GALNT15: variants seen among roughly 807,000 people sequenced by gnomAD.
The protein encoded by GALNT15 is UDP-GalNAc transferase T15.
Under a neutral mutation model 66.8 loss-of-function variants are expected in GALNT15, and 67 were observed. That is an observed-to-expected ratio of 1.00 (90% CI 0.82 to 1.23). The LOEUF is 1.23. Among genes scored for constraint, GALNT15 ranks in the 50% most tolerant of loss-of-function variants. The pLI, the probability that GALNT15 is intolerant of heterozygous loss-of-function variation, is 0.00. For missense variants in GALNT15, 827 were observed against 804.3 expected, an observed-to-expected ratio of 1.03 and a Z score of -0.34; for synonymous variants, 313 against 311.5, an observed-to-expected ratio of 1.00 and a Z score of -0.05.
chr3:16,196,589 T>C (rs2063640813), intron 2 of GALNT15, among the ~76,000 whole-genome samples: 2 of 152,212 alleles, frequency 1.3e-5, no homozygotes, highest in Admixed American at 1.3e-4. Context: ...GCTCTCACGC[T>C]TGAGCATGCA....
intron 1 of GALNT15, among the ~76,000 whole-genome samples, chr3:16,190,513 C>A (rs1042857458): frequency 6.6e-5 from 10 of 152,162 alleles, no homozygotes; most frequent in Admixed American, 2.0e-4. Context: ...TGGCGGGCGC[C>A]TGTAGTCCCA....
intron 1 of GALNT15, among the ~76,000 whole-genome samples, chr3:16,177,617 G>T (rs931343437): frequency 6.6e-6 from 1 of 152,214 alleles, no homozygotes; most frequent in African/African-American, 2.4e-5. Flanking sequence ...GTGTGCATGT[G>T]TGTTAATGTG....
chr3:16,240,935 C>G, the GALNT15 span, among the ~76,000 whole-genome samples: 17,651 of 152,230 alleles, frequency 0.12, 1,091 homozygotes, highest in East Asian at 0.17. Flanking sequence ...TTTTGTAGTT[C>G]CCAATACAAC....
At position 16,195,632 on chromosome 3, in the gene GALNT15, A is replaced by T; in HGVS notation, c.540-128A>T. On this transcript the variant is annotated intron_variant, in intron 1 of 9. Coordinates refer to ENST00000339732, the MANE Select transcript of GALNT15 (RefSeq NM_054110.5). The surrounding 1 kb of genome is among the most constrained non-coding windows in gnomAD (Gnocchi z 4.6). Reference sequence around the variant, plus strand: ...CAGGTTCTTTTTATATGGGAATTTTAAGAGATCCCATAGGACAGCCATATA... The same window carrying T: ...CAGGTTCTTTTTATATGGGAATTTTTAGAGATCCCATAGGACAGCCATATA... 1.5e-6 allele frequency: 1 copy of T among 677,878 alleles called. No homozygotes were observed. The highest frequency in any genetic ancestry group is 3.1e-5 in the South Asian group (1 of 32,386). The allele number at this position is 677,878 out of a possible 1,614,324, so 42.0% of individuals were successfully genotyped here.
In GALNT15 at chr3:16,228,258, A is replaced by T. The variant is rs895891898; in HGVS notation, c.*758A>T. ...CTTGGTTAACCATAACCATAACCAG[A>T]TTCCCTTGCAATCGATTTCTCTTTA... On this transcript the variant is annotated 3_prime_UTR_variant, in exon 10 of 10. Transcript: ENST00000339732. The T allele has an allele frequency of 2.0e-6, 2 of 985,686 alleles. No homozygotes were observed. The highest frequency in any genetic ancestry group is 3.5e-5 in the African/African-American group (2 of 57,220). 61.1% of individuals were successfully genotyped at this position (985,686 alleles called of 1,614,324 possible).
chr3:16,229,189 A>G lies in GALNT15; in HGVS notation c.*1689A>G, dbSNP rs1310544728. The G allele has an allele frequency of 1.0e-6, 1 of 985,196 alleles. No homozygotes were observed. Among genetic ancestry groups the G allele is most frequent in the Non-Finnish European group, 1.2e-6 (1 of 829,872 alleles). 61.0% of individuals were successfully genotyped at this position (985,196 alleles called of 1,614,324 possible). On this transcript the variant is annotated 3_prime_UTR_variant, in exon 10 of 10. Transcript: ENST00000339732. ...AGTGCAGTGTTTCCAAACAATACCT[A>G]TCATAACTACGTATTCATTGTCTAC...
Position 16,228,530 on chromosome 3 carries a change from A to T in GALNT15, c.*1030A>T. The stretch of plus-strand genomic sequence containing the variant: ...GTGGCGCATACCTGTAATCCCAGCT[A>T]CTTGGGAGGCTGAGGCAAGAGAATC... On this transcript the variant is annotated 3_prime_UTR_variant, in exon 10 of 10. Coordinates refer to ENST00000339732, the MANE Select transcript of GALNT15 (RefSeq NM_054110.5). 1 of 608,752 alleles carries T rather than the reference A, an allele frequency of 1.6e-6. No individual in the cohort carries two copies. Among genetic ancestry groups the T allele is most frequent in the Non-Finnish European group, 2.1e-6 (1 of 486,472 alleles). The allele number at this position is 608,752 out of a possible 1,614,324, so 37.7% of individuals were successfully genotyped here.
At chr3:16,222,940 G>A (rs2063962505) in intron 9 of GALNT15, among the ~76,000 whole-genome samples, 182 bp downstream of exon 9, 1 of 152,170 alleles carries the variant, frequency 6.6e-6, no homozygotes, top group African/African-American at 2.4e-5. Flanking sequence ...AGCAAAGTTG[G>A]CCCACTGGCA....
At chr3:16,236,016 A>G (rs1367682605), downstream of GALNT15, among the ~76,000 whole-genome samples, 1 of 149,336 alleles carries the variant, frequency 6.7e-6, no homozygotes, top group Non-Finnish European at 1.5e-5. Context: ...GAGGCAGGAG[A>G]ATCACTTGAA....
At chr3:16,221,516 C>T (rs2063942543) in intron 8 of GALNT15, among the ~76,000 whole-genome samples, 3 of 152,154 alleles carry the variant, frequency 2.0e-5, no homozygotes, top group African/African-American at 4.8e-5. Context: ...TTACTATGAG[C>T]CCCGGGAATC....
chr3:16,212,371 C>G (rs1034532473), intron 5 of GALNT15, among the ~76,000 whole-genome samples, 198 bp from the exon 6 acceptor site: 1 of 152,116 alleles, frequency 6.6e-6, no homozygotes, highest in African/African-American at 2.4e-5. Flanking sequence ...TACCTCTATT[C>G]TCTCCACCCT....
rs73818317 is a variant in GALNT15, at chr3:16,195,951, C to T, written c.706+25C>T. ...GGTAGCCACGGCTTTCCTCCAGGCTCGTCTGGGTGAGCCTTACCCCCTGGC... is the reference window on the plus strand; with the variant it reads ...GGTAGCCACGGCTTTCCTCCAGGCTTGTCTGGGTGAGCCTTACCCCCTGGC... On this transcript the variant is annotated intron_variant, in intron 2 of 9. Coordinates refer to ENST00000339732, the MANE Select transcript of GALNT15 (RefSeq NM_054110.5). The surrounding 1 kb of genome is among the most constrained non-coding windows in gnomAD (Gnocchi z 4.6). 3.7e-3 allele frequency: 5,958 copies of T among 1,612,410 alleles called. 178 individuals are homozygous for T. In the African/African-American group the frequency reaches 0.066, roughly 18 times the overall value.
Position 16,219,367 on chromosome 3 carries a change from C to A in GALNT15, c.1393-36C>A, listed in dbSNP as rs1359223458. 6.2e-7 allele frequency: 1 copy of A among 1,609,818 alleles called. No individual in the cohort carries two copies. Among genetic ancestry groups the A allele is most frequent in the Non-Finnish European group, 8.5e-7 (1 of 1,177,798 alleles). On this transcript the variant is annotated intron_variant, in intron 6 of 9. Transcript: ENST00000339732. This position sits in a 1 kb window ranked among gnomAD's most constrained non-coding sequence, Gnocchi z 4.3. The stretch of plus-strand genomic sequence containing the variant: ...CCATGTGAATTCTGGGCAAGACAAG[C>A]TTTCATCATCCTGCTTGTGTCTTTC...
chr3:16,246,573 C>T, the GALNT15 span, among the ~76,000 whole-genome samples: 2 of 152,070 alleles, frequency 1.3e-5, no homozygotes, highest in South Asian at 2.1e-4. Flanking sequence ...CTGCCCTCCT[C>T]GACCTCCCAA....
rs1164976010 is a variant in GALNT15, at chr3:16,203,543, T to TCA, written c.911+2765_911+2766dup. On this transcript the variant is annotated intron_variant, in intron 3 of 9. Transcript: ENST00000339732. The surrounding 1 kb of genome is among the most constrained non-coding windows in gnomAD (Gnocchi z 6.2). Reference sequence around the variant, plus strand: ...CATTCTCTCTCTCTCTCTCTCTCTCTCACACACACACACACACACACACAC... The same window carrying TCA: ...CATTCTCTCTCTCTCTCTCTCTCTCTCACACACACACACACACACACACACAC... Among the ~76,000 whole-genome samples, 7,840 of 60,688 alleles carry TCA rather than the reference T, an allele frequency of 0.13. 406 individuals carry two copies. The highest frequency in any genetic ancestry group is 0.2 in the Non-Finnish European group (5,479 of 27,904). The allele number at this position is 60,688 out of a possible 152,430, so 39.8% of individuals were successfully genotyped here. A position where few individuals can be genotyped will look rare whatever the true frequency, so the allele number is the denominator to read the frequency against.
In GALNT15 at chr3:16,180,511, T is replaced by C. The variant is rs1279234439; in HGVS notation, c.539+4821T>C. 6.6e-6 allele frequency among the ~76,000 whole-genome samples: 1 copy of C among 151,894 alleles called. No individual in the cohort carries two copies. The highest frequency in any genetic ancestry group is 1.5e-5 in the Non-Finnish European group (1 of 67,990). ...ATGTGCACACCCAACCCCCCTATAT[T>C]GCTTGTTAAAAAGACGTAGATGTTC... is the stretch of plus-strand genomic sequence containing the variant. On this transcript the variant is annotated intron_variant, in intron 1 of 9. Transcript: ENST00000339732. The surrounding 1 kb of genome is among the most constrained non-coding windows in gnomAD (Gnocchi z 5.0).
rs185840790 is a variant in GALNT15 at position 16,199,021 on chromosome 3, G to A, written c.707-1598G>A. The stretch of plus-strand genomic sequence containing the variant: ...GAGTGCCTACTGTGGGCCAGGCCCT[G>A]CACTAAGGGTTAGAGCAGAAGAGAT... On this transcript the variant is annotated intron_variant, in intron 2 of 9. Coordinates refer to ENST00000339732, the MANE Select transcript of GALNT15 (RefSeq NM_054110.5). Among the ~76,000 whole-genome samples the A allele has an allele frequency of 2.1e-5, 3 of 142,856 alleles. 1 individual carries two copies. In the East Asian group the frequency reaches 6.4e-4, roughly 30 times the overall value. The allele number at this position is 142,856 out of a possible 152,430, so 93.7% of individuals were successfully genotyped here. A position where few individuals can be genotyped will look rare whatever the true frequency, so the allele number is the denominator to read the frequency against.
intron 1 of GALNT15, among the ~76,000 whole-genome samples, chr3:16,177,679 CA>C (rs2063425085): frequency 1.3e-5 from 2 of 152,204 alleles, no homozygotes; most frequent in African/African-American, 4.8e-5. Context: ...GGTGATGCCA[CA>C]TGCATTGTTC....
rs2063539707 is a variant in GALNT15, at chr3:16,188,424, C to G, written c.540-7336C>G. Among the ~76,000 whole-genome samples, 2 of 152,202 alleles carry G rather than the reference C, an allele frequency of 1.3e-5. No individual in the cohort carries two copies. Among genetic ancestry groups the G allele is most frequent in the African/African-American group, 4.8e-5 (2 of 41,444 alleles). ...TCCCAGAAACAGTTCAGGTTTCTGG[C>G]TTTTTCTGAAAATCAGGAAGATGTG... is the stretch of plus-strand genomic sequence containing the variant. On this transcript the variant is annotated intron_variant, in intron 1 of 9. Transcript: ENST00000339732. This position sits in a 1 kb window ranked among gnomAD's most constrained non-coding sequence, Gnocchi z 4.6.
Sources: gnomAD v4.1 joint callset for allele counts (sites outside exome capture counted in the v4.1 genomes callset) on GRCh38, gnomAD v4.1.1 for gene constraint, Gnocchi (gnomAD v3.1) non-coding constraint, MANE v1.5 for transcripts, NCBI Gene and HGNC (gene_info 2026-07-23, HGNC 2026-07-21) for gene names.